The following APC variants were observed in gnomAD, a reference collection of about 807,000 sequenced individuals.
APC encodes adenomatous polyposis coli protein.
A neutral mutation model predicts 247.0 loss-of-function variants in APC; 72 were observed. The ratio of observed to expected loss-of-function variants is 0.29; its 90% CI spans 0.24 to 0.35. APC has a LOEUF of 0.35. Among genes scored for constraint, APC ranks in the 10% least tolerant of loss-of-function variants. The pLI is 1.00. For synonymous variants in APC, 1,254 were observed against 1,162.5 expected, an observed-to-expected ratio of 1.08 and a Z score of -1.60; for missense variants, 3,400 against 3,360.7, an observed-to-expected ratio of 1.01 and a Z score of -0.29.
intron 1 of APC, among the ~76,000 whole-genome samples, chr5:112,721,858 A>T (rs1040295260): frequency 1.3e-5 from 2 of 152,148 alleles, no homozygotes; most frequent in Non-Finnish European, 2.9e-5. Flanking sequence ...ACTAACACTA[A>T]CAATAGCTGA....
Position 112,738,068 on chromosome 5 carries a change from C to T in APC, c.-19+143C>T, listed in dbSNP as rs1263723202. 1.2e-5 allele frequency: 6 copies of T among 501,324 alleles called. No homozygotes were observed. In the East Asian group the frequency reaches 9.0e-4, roughly 75 times the overall value. 31.1% of individuals were successfully genotyped at this position (501,324 alleles called of 1,614,324 possible). A position where few individuals can be genotyped will look rare whatever the true frequency, so the allele number is the denominator to read the frequency against. On this transcript the variant is annotated intron_variant, in intron 1 of 15. Transcript: ENST00000257430. ...CAAACGAGGAGGCAGGGGCGTCGTC[C>T]CCCCGCCCCCCACTGCAGCACTGGA...
At chr5:112,805,671 G>T (rs988497504) in intron 8 of APC, among the ~76,000 whole-genome samples, 1 of 152,076 alleles carries the variant, frequency 6.6e-6, no homozygotes, top group Non-Finnish European at 1.5e-5. Context: ...ACACATGATC[G>T]CCTCTTGGGG....
intron 7 of APC, among the ~76,000 whole-genome samples, chr5:112,796,724 T>A (rs1442020796): frequency 6.6e-6 from 1 of 152,086 alleles, no homozygotes; most frequent in African/African-American, 2.4e-5. Flanking sequence ...AGTTTTTATG[T>A]GTCTTTCATC....
At chr5:112,760,041 A>G (rs889559322) in intron 2 of APC, among the ~76,000 whole-genome samples, 2 of 152,158 alleles carry the variant, frequency 1.3e-5, no homozygotes, top group African/African-American at 4.8e-5. Flanking sequence ...TTTATTAACT[A>G]TAATTCTTAG....
At chr5:112,717,443 T>G (rs1751236456) in intron 1 of APC, among the ~76,000 whole-genome samples, 1 of 152,228 alleles carries the variant, frequency 6.6e-6, no homozygotes, top group Non-Finnish European at 1.5e-5. Context: ...ATCTTGCACT[T>G]AAGATTGCTT....
At chr5:112,815,392 ATTGT>A (rs924477158) in intron 8 of APC, 99 bp from the exon 9 acceptor site, 1 of 796,982 alleles carries the variant, frequency 1.3e-6, no homozygotes, top group African/African-American at 1.7e-5. Flanking sequence ...GATGTATTTA[ATTGT>A]TTATCATACA....
chr5:112,723,384 C>T (rs1273788921), intron 1 of APC, among the ~76,000 whole-genome samples: 2 of 152,034 alleles, frequency 1.3e-5, no homozygotes, highest in South Asian at 2.1e-4. Context: ...ATTGCTTGAG[C>T]CTGTGAGGCG....
intron 1 of APC, among the ~76,000 whole-genome samples, chr5:112,722,048 G>GAAA: frequency 6.6e-6 from 1 of 152,114 alleles, no homozygotes; most frequent in East Asian, 1.9e-4. Flanking sequence ...GATGTGAGAG[G>GAAA]AAAAAAAGAC....
chr5:112,767,662 A>G (rs1756511877), intron 4 of APC, among the ~76,000 whole-genome samples: 1 of 151,990 alleles, frequency 6.6e-6, no homozygotes, highest in South Asian at 2.1e-4. Flanking sequence ...ACAGGGTGTC[A>G]CTGTGTCTCC....
rs1452028467 is a variant in APC at position 112,724,957 on chromosome 5, A to G, written c.165+17075A>G. 5.3e-5 allele frequency among the ~76,000 whole-genome samples: 8 copies of G among 152,144 alleles called. 1 individual carries two copies. The highest frequency in any genetic ancestry group is 5.2e-4 in the Admixed American group (8 of 15,268). On this transcript the variant is annotated intron_variant, in intron 1 of 13. Coordinates refer to the APC transcript ENST00000507379. ...AATACTAATCTTGAAGGGTCTTTCT[A>G]ACAGCTGGCAATTAACAGATTTTTA...
chr5:112,750,955 C>T (rs975946873), intron 1 of APC, among the ~76,000 whole-genome samples: 1 of 152,118 alleles, frequency 6.6e-6, no homozygotes, highest in African/African-American at 2.4e-5. Context: ...CCCAGCACCA[C>T]TTTAAATTCC....
chr5:112,816,412 T>C (rs549004451), intron 9 of APC, among the ~76,000 whole-genome samples: 2 of 152,362 alleles, frequency 1.3e-5, no homozygotes, highest in African/African-American at 2.4e-5. Context: ...TTGAGTGTTA[T>C]TTCATGCTGA....
intron 8 of APC, among the ~76,000 whole-genome samples, chr5:112,813,133 T>A (rs1413019374): frequency 6.6e-6 from 1 of 152,230 alleles, no homozygotes; most frequent in East Asian, 1.9e-4. Flanking sequence ...GGGACACATT[T>A]TTTAAAACCT....
chr5:112,713,157 C>T (rs969658050), intron 1 of APC, among the ~76,000 whole-genome samples: 8 of 129,100 alleles, frequency 6.2e-5, no homozygotes, highest in East Asian at 4.7e-4. Flanking sequence ...GGTGACAGAG[C>T]GAGACTCCAT....
Position 112,840,961 on chromosome 5 carries a change from A to C in APC, c.5367A>C (p.Val1789=). The C allele has an allele frequency of 6.2e-7, 1 of 1,613,266 alleles. No individual in the cohort carries two copies. The highest frequency in any genetic ancestry group is 2.2e-5 in the East Asian group (1 of 44,880). The change falls in exon 16 of 16, where the codon GTA becomes GTC. Residue 1789 remains valine, a synonymous_variant. Transcript: ENST00000257430. The surrounding 1 kb of genome is among the most constrained non-coding windows in gnomAD (Gnocchi z 4.1). ...AAAATACTGAATATAGGACACGTGT[A>C]AGAAAAAATGCAGACTCAAAAAATA... The part of the protein sequence containing the change: ...IPQNTEYRTR[V]RKNADSKNNL...
At chr5:112,770,293 T>C (rs1291217045) in intron 4 of APC, among the ~76,000 whole-genome samples, 1 of 152,192 alleles carries the variant, frequency 6.6e-6, no homozygotes, top group Non-Finnish European at 1.5e-5. Context: ...TATTTCTCTG[T>C]TCAAAGACTT....
At chr5:112,833,746 G>A (rs1441152524) in intron 14 of APC, among the ~76,000 whole-genome samples, 2 of 152,166 alleles carry the variant, frequency 1.3e-5, no homozygotes, top group Non-Finnish European at 2.9e-5. Context: ...AATTTGTTAT[G>A]TGGGGAATTT....
chr5:112,712,783 G>A (rs1750932255), intron 1 of APC, among the ~76,000 whole-genome samples: 1 of 152,058 alleles, frequency 6.6e-6, no homozygotes, highest in South Asian at 2.1e-4. Flanking sequence ...AGAAATCTTG[G>A]TTCTTCTCCC....
rs2149882180 is a variant in APC at position 112,838,602 on chromosome 5, A to G, written c.3008A>G (p.Asp1003Gly). Reference sequence around the variant, plus strand: ...TGCAGTTATGGTCAATACCCAGCCGACCTAGCCCATAAAATACATAGTGCA... The same window carrying G: ...TGCAGTTATGGTCAATACCCAGCCGGCCTAGCCCATAAAATACATAGTGCA... ...KFCSYGQYPADLAHKIHSANH... is the reference protein window; with the variant it reads ...KFCSYGQYPAGLAHKIHSANH... Residue 1003 changes from aspartate to glycine, a missense_variant, in exon 16 of 16, where the codon GAC (aspartate) becomes GGC (glycine). By Grantham distance (94) the Asp-to-Gly change is moderately conservative. Transcript: ENST00000257430. 1.2e-6 allele frequency: 2 copies of G among 1,614,162 alleles called. No individual in the cohort carries two copies. The highest frequency in any genetic ancestry group is 1.6e-4 in the Middle Eastern group (1 of 6,062).
Sources: allele counts gnomAD v4.1 joint callset (sites outside exome capture counted in the v4.1 genomes callset), GRCh38; gene constraint gnomAD v4.1.1; non-coding constraint Gnocchi (gnomAD v3.1); transcripts MANE v1.5; gene names NCBI Gene and HGNC (gene_info 2026-07-23, HGNC 2026-07-21).